The following GREB1L variants were observed in gnomAD, a reference collection of about 807,000 sequenced individuals.
GREB1L encodes the protein GREB1-like protein.
GREB1L carries 17 observed loss-of-function variants against 200.8 expected under a neutral mutation model. The observed-to-expected ratio is 0.08, with a 90% CI of 0.06 to 0.13. The LOEUF (loss-of-function observed/expected upper bound fraction) is 0.13. GREB1L is among the 10% of genes least tolerant of loss of function. The probability of loss-of-function intolerance (pLI) is 1.00; values close to 1 mark genes in which losing one functional copy is unlikely to be tolerated. For missense variants in GREB1L, 1,657 were observed against 2,367.7 expected, an observed-to-expected ratio of 0.70 and a Z score of 6.23; for synonymous variants, 789 against 893.0, an observed-to-expected ratio of 0.88 and a Z score of 2.08.
chr18:21,254,680 G>C (rs1445344070), intron 1 of GREB1L, among the ~76,000 whole-genome samples: 3 of 152,156 alleles, frequency 2.0e-5, no homozygotes. Flanking sequence ...TAATTTGGGT[G>C]CTTGACAATG....
Position 21,404,035 on chromosome 18 carries a change from A to G in GREB1L, c.832+41A>G, listed in dbSNP as rs371775129. The stretch of plus-strand genomic sequence containing the variant: ...TTTTGGCATTTCAAGCATCACATGT[A>G]TATTTAATGAGACTTTTTAAAATAT... On this transcript the variant is annotated intron_variant, in intron 7 of 32. Coordinates refer to ENST00000424526, the MANE Select transcript of GREB1L (RefSeq NM_001142966.3). The G allele has an allele frequency of 8.7e-5, 132 of 1,518,140 alleles. No individual in the cohort carries two copies. The African/African-American group carries it at 1.6e-3, about 19-fold the overall frequency. 94.0% of individuals were successfully genotyped at this position (1,518,140 alleles called of 1,614,324 possible). A position where few individuals can be genotyped will look rare whatever the true frequency, so the allele number is the denominator to read the frequency against.
At chr18:21,389,745 G>A (rs2040716059) in intron 4 of GREB1L, among the ~76,000 whole-genome samples, 1 of 152,186 alleles carries the variant, frequency 6.6e-6, no homozygotes, top group Admixed American at 6.5e-5. Context: ...AGAAATGTCA[G>A]TCTGTGAGCA....
Position 21,525,269 on chromosome 18 carries a change from A to G in GREB1L, c.*2448A>G, listed in dbSNP as rs2037666072. 6.6e-6 allele frequency: 1 copy of G among 152,140 alleles called. No homozygotes were observed. Among genetic ancestry groups the G allele is most frequent in the Admixed American group, 6.5e-5 (1 of 15,280 alleles). 9.4% of individuals were successfully genotyped at this position (152,140 alleles called of 1,614,324 possible). The stretch of plus-strand genomic sequence containing the variant: ...TAGAAAATGGGGCACCCGTGTTATT[A>G]CTGTAAAATGTTCTTAACCAAAATT... On this transcript the variant is annotated 3_prime_UTR_variant, in exon 33 of 33. Transcript: ENST00000424526.
intron 2 of GREB1L, among the ~76,000 whole-genome samples, chr18:21,379,138 C>A (rs2143931307): frequency 6.6e-6 from 1 of 152,278 alleles, no homozygotes; most frequent in Non-Finnish European, 1.5e-5. Context: ...TTATGTGATC[C>A]TCCATGTATA....
chr18:21,388,385 C>A (rs980827165), intron 4 of GREB1L, among the ~76,000 whole-genome samples: 1 of 151,908 alleles, frequency 6.6e-6, no homozygotes, highest in Non-Finnish European at 1.5e-5. Context: ...AGTAATGAAC[C>A]AATATTGATA....
intron 1 of GREB1L, among the ~76,000 whole-genome samples, chr18:21,302,657 G>A (rs2038636172): frequency 1.3e-5 from 2 of 152,174 alleles, no homozygotes; most frequent in South Asian, 4.1e-4. Context: ...CTTCATTTTG[G>A]TTTGGTCTGG....
chr18:21,302,790 C>G (rs1452179981), intron 1 of GREB1L, among the ~76,000 whole-genome samples: 1 of 152,018 alleles, frequency 6.6e-6, no homozygotes, highest in Non-Finnish European at 1.5e-5. Context: ...GGCGTGATCT[C>G]GGCTCACTGC....
intron 1 of GREB1L, among the ~76,000 whole-genome samples, chr18:21,265,228 G>GC (rs2037947348): frequency 6.6e-6 from 1 of 152,092 alleles, no homozygotes; most frequent in African/African-American, 2.4e-5. Context: ...TTTAGGACAA[G>GC]TTCACTTTCC....
At chr18:21,431,399 G>C (rs1477901893) in intron 7 of GREB1L, among the ~76,000 whole-genome samples, 1 of 152,068 alleles carries the variant, frequency 6.6e-6, no homozygotes, top group East Asian at 1.9e-4. Context: ...TTAGGAATGT[G>C]TTATTTTTCA....
At chr18:21,513,164 G>C (rs994117757) in intron 27 of GREB1L, among the ~76,000 whole-genome samples, 3 of 152,164 alleles carry the variant, frequency 2.0e-5, no homozygotes, top group African/African-American at 7.2e-5. Flanking sequence ...GGGTCACATG[G>C]CTAGAAAGTG....
intron 28 of GREB1L, 73 bp downstream of exon 28, chr18:21,514,059 T>C (rs1283830837): frequency 2.9e-6 from 4 of 1,368,444 alleles, no homozygotes; most frequent in Non-Finnish European, 4.0e-6. Flanking sequence ...TACAGTTACA[T>C]ACGGAAGTAA....
intron 2 of GREB1L, among the ~76,000 whole-genome samples, chr18:21,372,150 C>CTT (rs1010758595): frequency 2.0e-3 from 280 of 139,484 alleles, no homozygotes; most frequent in African/African-American, 6.6e-3. Context: ...ATTTGTCTCT[C>CTT]TTTTTTTTTT....
At chr18:21,273,113 G>A (rs548219675) in intron 1 of GREB1L, among the ~76,000 whole-genome samples, 128 of 152,270 alleles carry the variant, frequency 8.4e-4, no homozygotes, top group African/African-American at 2.8e-3. Flanking sequence ...TGTAATCCCA[G>A]CTACTGGGGA....
rs2037496848 is a variant in GREB1L at position 21,518,374 on chromosome 18, A to T, written c.5472+140A>T. 4 of 776,456 alleles carry T rather than the reference A, an allele frequency of 5.2e-6. No individual in the cohort carries two copies. The East Asian group carries it at 1.1e-4, about 21-fold the overall frequency. The allele number at this position is 776,456 out of a possible 1,614,324, so 48.1% of individuals were successfully genotyped here. A position where few individuals can be genotyped will look rare whatever the true frequency, so the allele number is the denominator to read the frequency against. On this transcript the variant is annotated intron_variant, in intron 31 of 32. Transcript: ENST00000424526. ...GGTCCTTTGCCAGAACTTTTATTAA[A>T]GATAGTAATACAGATCAAAACTTGT...
At chr18:21,388,156 G>T (rs1436258278) in intron 4 of GREB1L, among the ~76,000 whole-genome samples, 1 of 152,142 alleles carries the variant, frequency 6.6e-6, no homozygotes, top group Non-Finnish European at 1.5e-5. Context: ...CCTAGACACA[G>T]CCCTGCTGTG....
At chr18:21,470,634 ATAT>A (rs1250578707) in intron 15 of GREB1L, among the ~76,000 whole-genome samples, 2 of 152,200 alleles carry the variant, frequency 1.3e-5, no homozygotes, top group Admixed American at 6.5e-5. Flanking sequence ...CTACACAGAC[ATAT>A]TATTAGTAAA....
At chr18:21,367,426 C>T (rs2039717005) in intron 2 of GREB1L, among the ~76,000 whole-genome samples, 1 of 152,132 alleles carries the variant, frequency 6.6e-6, no homozygotes, top group African/African-American at 2.4e-5. Context: ...TGAAATATCA[C>T]CTTTTTCTTT....
intron 1 of GREB1L, among the ~76,000 whole-genome samples, chr18:21,356,077 C>T (rs2039499322): frequency 1.3e-5 from 2 of 149,610 alleles, no homozygotes; most frequent in Non-Finnish European, 3.0e-5. Flanking sequence ...AGCTCCACCT[C>T]CCGGGTTCAC....
At chr18:21,452,961 G>A (rs1324873873) in intron 14 of GREB1L, among the ~76,000 whole-genome samples, 1 of 152,246 alleles carries the variant, frequency 6.6e-6, no homozygotes, top group Non-Finnish European at 1.5e-5. Context: ...TGGCTTGGCA[G>A]TCAGCTCTGT....
Sources: allele counts gnomAD v4.1 joint callset (sites outside exome capture counted in the v4.1 genomes callset), GRCh38; gene constraint gnomAD v4.1.1; transcripts MANE v1.5; gene names NCBI Gene and HGNC (gene_info 2026-07-23, HGNC 2026-07-21).